ARHGAP6: variants seen among roughly 807,000 people sequenced by gnomAD.
ARHGAP6 encodes the protein rho GTPase-activating protein 6.
Under a neutral mutation model 55.7 loss-of-function variants are expected in ARHGAP6, and 16 were observed. The observed-to-expected ratio is 0.29, with a 90% CI of 0.19 to 0.44. The LOEUF (loss-of-function observed/expected upper bound fraction) is 0.44. Ranked by LOEUF, ARHGAP6 falls within the 20% of genes least tolerant of loss-of-function variation. The pLI, the probability that ARHGAP6 is intolerant of heterozygous loss-of-function variation, is 1.00. For missense variants in ARHGAP6, 698 were observed against 808.9 expected (o/e 0.86, Z 1.66); for synonymous variants, 382 against 360.9 (o/e 1.06, Z -0.66).
At chrX:11,472,398 C>G (rs1042490870) in intron 1 of ARHGAP6, among the ~76,000 whole-genome samples, 1 of 111,857 alleles carries the variant, frequency 8.9e-6, no homozygotes, top group African/African-American at 3.3e-5. Context: ...TGGAGAGGCA[C>G]CACTTTAGAC....
At chrX:11,572,387 G>A (rs1191817155) in intron 1 of ARHGAP6, among the ~76,000 whole-genome samples, 1 of 107,975 alleles carries the variant, frequency 9.3e-6, no homozygotes, top group African/African-American at 3.4e-5. Flanking sequence ...CCCTTCCTGT[G>A]TCCATGTGTT....
chrX:11,186,817 A>C (rs2046391842), intron 4 of ARHGAP6, among the ~76,000 whole-genome samples: 1 of 111,815 alleles, frequency 8.9e-6, no homozygotes, highest in African/African-American at 3.3e-5. Flanking sequence ...AAACTCAACT[A>C]TGGCTCTAGG....
intron 1 of ARHGAP6, chrX:11,265,657 G>C (rs976896269): frequency 3.6e-6 from 3 of 825,667 alleles, no homozygotes; most frequent in Non-Finnish European, 4.4e-6. Flanking sequence ...TGAAAAAGTA[G>C]TGTAAGTATA....
At chrX:11,476,136 G>A (rs1176382129) in intron 1 of ARHGAP6, among the ~76,000 whole-genome samples, 1 of 110,211 alleles carries the variant, frequency 9.1e-6, no homozygotes, top group Non-Finnish European at 1.9e-5. Context: ...TATTAATTAT[G>A]TAGGAAGAAA....
intron 1 of ARHGAP6, among the ~76,000 whole-genome samples, chrX:11,459,880 A>G (rs2050227547): frequency 1.8e-5 from 2 of 111,439 alleles, no homozygotes; most frequent in Admixed American, 1.9e-4. Context: ...CTTCAGCCCT[A>G]GGTTGTGCAT....
At chrX:11,474,712 T>C (rs2050385644) in intron 1 of ARHGAP6, among the ~76,000 whole-genome samples, 1 of 111,590 alleles carries the variant, frequency 9.0e-6, no homozygotes, top group Non-Finnish European at 1.9e-5. Context: ...TGATCTCTGA[T>C]CCTCAGTGTG....
chrX:11,186,842 A>T (rs901287943), intron 4 of ARHGAP6, among the ~76,000 whole-genome samples: 2 of 112,075 alleles, frequency 1.8e-5, no homozygotes, highest in African/African-American at 6.5e-5. Flanking sequence ...ATATTTTTAA[A>T]ATAGAATGAT....
intron 1 of ARHGAP6, among the ~76,000 whole-genome samples, chrX:11,566,678 G>T (rs2051445097): frequency 8.9e-6 from 1 of 111,785 alleles, no homozygotes. Context: ...AGTATTACCA[G>T]TAAAAAATTT....
At chrX:11,153,524 CAAAAAA>C (rs55669123) in intron 10 of ARHGAP6, among the ~76,000 whole-genome samples, 5 of 20,117 alleles carry the variant, frequency 2.5e-4, no homozygotes, top group Admixed American at 6.7e-4. Flanking sequence ...GACTCGATCT[CAAAAAA>C]AAAAAAAAAA....
intron 1 of ARHGAP6, among the ~76,000 whole-genome samples, chrX:11,277,225 G>A (rs1305425178): frequency 9.0e-6 from 1 of 111,663 alleles, no homozygotes; most frequent in East Asian, 2.8e-4. Context: ...TCATTCTTAT[G>A]GCAGGATAAT....
At chrX:11,478,878 C>T (rs1018498527) in intron 1 of ARHGAP6, among the ~76,000 whole-genome samples, 7 of 111,605 alleles carry the variant, frequency 6.3e-5, no homozygotes, top group African/African-American at 2.3e-4. Context: ...CATGAGGGCA[C>T]AAAGAAACAA....
chrX:11,612,795 GT>G (rs1297966622), intron 1 of ARHGAP6, among the ~76,000 whole-genome samples: 1 of 112,471 alleles, frequency 8.9e-6, no homozygotes, highest in Admixed American at 9.4e-5. Context: ...CAACTCCAGT[GT>G]TCTTTCAGTG....
At chrX:11,216,456 C>G (rs983464553) in intron 2 of ARHGAP6, among the ~76,000 whole-genome samples, 1 of 111,272 alleles carries the variant, frequency 9.0e-6, no homozygotes, top group Non-Finnish European at 1.9e-5. Context: ...GAGTTTGAGA[C>G]CAGCCTGGCG....
intron 1 of ARHGAP6, among the ~76,000 whole-genome samples, chrX:11,597,934 T>C (rs1240715071): frequency 1.8e-5 from 2 of 111,837 alleles, no homozygotes; most frequent in African/African-American, 6.5e-5. Flanking sequence ...TGCAGGGAAG[T>C]AGATGTTAGA....
chrX:11,267,076 G>A (rs185677367), intron 1 of ARHGAP6, among the ~76,000 whole-genome samples: 9 of 111,498 alleles, frequency 8.1e-5, no homozygotes, highest in Admixed American at 1.9e-4. Flanking sequence ...TTGAAAATAC[G>A]CATTATTCCA....
chrX:11,303,360 A>C (rs2048194392), intron 1 of ARHGAP6, among the ~76,000 whole-genome samples: 1 of 112,333 alleles, frequency 8.9e-6, no homozygotes, highest in Non-Finnish European at 1.9e-5. Context: ...CATTTGAAAC[A>C]CCTGACTCTT....
chrX:11,325,895 T>A (rs965601977), intron 1 of ARHGAP6, among the ~76,000 whole-genome samples: 1 of 111,279 alleles, frequency 9.0e-6, no homozygotes, highest in Non-Finnish European at 1.9e-5. Flanking sequence ...AAATCAGGCA[T>A]CCTGCTCAAC....
chrX:11,245,806 G>A (rs1212969596), intron 2 of ARHGAP6, among the ~76,000 whole-genome samples: 1 of 112,025 alleles, frequency 8.9e-6, no homozygotes, highest in Non-Finnish European at 1.9e-5. Flanking sequence ...ACTGCAGATA[G>A]GTTGTGGACA....
At chrX:11,648,547 C>A (rs1182377705) in intron 1 of ARHGAP6, among the ~76,000 whole-genome samples, 1 of 111,737 alleles carries the variant, frequency 8.9e-6, no homozygotes, top group Non-Finnish European at 1.9e-5. Flanking sequence ...TGATGTACAC[C>A]TTCCTATAAC....
Sources: allele counts gnomAD v4.1 joint callset (sites outside exome capture counted in the v4.1 genomes callset), GRCh38; gene constraint gnomAD v4.1.1; transcripts MANE v1.5; gene names NCBI Gene and HGNC (gene_info 2026-07-23, HGNC 2026-07-21).